Variants in AKNA observed in about 807,000 individuals in gnomAD.
The protein encoded by AKNA is AT-hook transcription factor.
A neutral mutation model predicts 138.8 loss-of-function variants in AKNA; 67 were observed. The ratio of observed to expected loss-of-function variants is 0.48; its 90% CI spans 0.40 to 0.59. The LOEUF is 0.59. AKNA is among the 20% of genes least tolerant of loss of function. The pLI is 0.00. For missense variants in AKNA, 1,813 were observed against 1,880.4 expected (o/e 0.96, Z 0.66); for synonymous variants, 737 against 754.4 (o/e 0.98, Z 0.38).
In AKNA at chr9:114,360,068, G is replaced by T; in HGVS notation, c.2125-6C>A. The T allele has an allele frequency of 1.2e-6, 2 of 1,614,114 alleles. No individual in the cohort carries two copies. Among genetic ancestry groups the T allele is most frequent in the East Asian group, 2.2e-5 (1 of 44,890 alleles). ...GCGGCAGTGGTGGTAGCAGGCTGGG[G>T]TCAGAAAGATGGACAGACAGAGATT... On this transcript the variant is annotated splice_polypyrimidine_tract_variant and splice_region_variant and intron_variant, in intron 9 of 21. Coordinates refer to ENST00000374088, the MANE Select transcript of AKNA (RefSeq NM_001317950.2).
intron 7 of AKNA, among the ~76,000 whole-genome samples, chr9:114,364,024 C>T (rs1305191004): frequency 6.6e-6 from 1 of 151,986 alleles, no homozygotes; most frequent in Non-Finnish European, 1.5e-5. Flanking sequence ...CCTCCAGCCC[C>T]CACTTTTTTT....
At chr9:114,333,002 G>T, downstream of AKNA, 1 of 1,601,252 alleles carries the variant, frequency 6.2e-7, no homozygotes, top group Non-Finnish European at 8.5e-7. Flanking sequence ...CCCTCTCCCC[G>T]GAAGACCTCC....
In AKNA at chr9:114,356,028, G is replaced by A; in HGVS notation, c.2955C>T (p.Ser985=). The change falls in exon 14 of 22, where the codon AGC becomes AGT. Residue 985 remains serine (S), a synonymous_variant. Transcript: ENST00000374088. ...SLIPRRATEP[S]TPRSQAQRYL... is the part of the protein sequence containing the mutation. ...ACCTCTGTGCTTGGCTCCGGGGTGT[G>A]CTGGGCTCTGTGGCTCTTCTGGGAA... The A allele has an allele frequency of 6.2e-7, 1 of 1,614,192 alleles. No homozygotes were observed. Among genetic ancestry groups the A allele is most frequent in the East Asian group, 2.2e-5 (1 of 44,880 alleles).
At chr9:114,359,561 CAAA>C (rs1831769574) in intron 11 of AKNA, 30 bp downstream of exon 11, 1 of 1,611,788 alleles carries the variant, frequency 6.2e-7, no homozygotes, top group Non-Finnish European at 8.5e-7. Context: ...AGGGTGGAAA[CAAA>C]CATTCTGCAG....
intron 4 of AKNA, among the ~76,000 whole-genome samples, chr9:114,372,162 G>C (rs1450520290): frequency 6.6e-6 from 1 of 152,174 alleles, no homozygotes; most frequent in Non-Finnish European, 1.5e-5. Flanking sequence ...CACACTTCTT[G>C]AGGCTGAGAG....
At chr9:114,390,811 C>G (rs1018527848), upstream of AKNA, among the ~76,000 whole-genome samples, 1 of 152,230 alleles carries the variant, frequency 6.6e-6, no homozygotes, top group East Asian at 1.9e-4. Flanking sequence ...TCCCCTCACC[C>G]AGTCCCACTT....
At chr9:114,392,950 G>T (rs10982194), upstream of AKNA, among the ~76,000 whole-genome samples, 399 of 152,228 alleles carry the variant, frequency 2.6e-3, 12 homozygotes, top group East Asian at 0.036. Flanking sequence ...GCCATATTGA[G>T]GAAAACACAT....
Position 114,367,656 on chromosome 9 carries a change from T to C in AKNA, c.1615A>G (p.Thr539Ala). Reference sequence around the variant, plus strand: ...AGCCACCCCAGGGTGGGCATGCTGGTAAGCGAGGAGGGGCTCAAGTCTCCT... The same window carrying C: ...AGCCACCCCAGGGTGGGCATGCTGGCAAGCGAGGAGGGGCTCAAGTCTCCT... ...ARGDLSPSSL[T>A]SMPTLGWLPE... Residue 539 changes from threonine (T) to alanine (A), a missense_variant, in exon 6 of 22, where the codon ACC (threonine) becomes GCC (alanine). Physicochemically the swap from Thr to Ala is moderately conservative, Grantham distance 58. Coordinates refer to ENST00000374088, the MANE Select transcript of AKNA (RefSeq NM_001317950.2). The C allele has an allele frequency of 1.3e-6, 2 of 1,598,062 alleles. No individual in the cohort carries two copies. Among genetic ancestry groups the C allele is most frequent in the South Asian group, 2.2e-5 (2 of 90,628 alleles).
rs768195560 is a variant in AKNA at position 114,341,537 on chromosome 9, C to A, written c.4063G>T (p.Ala1355Ser). ...GGTCAGAATGAAGGCTCTTACACAG[C>A]GGCAGGTGGATAAGGCATGATGGGA... is the stretch of plus-strand genomic sequence containing the variant. ...SVPIMPYPPA[A>S]VYYAPAGPTS... The change falls in exon 21 of 22, where the codon GCT (alanine) becomes TCT (serine). Residue 1355 changes from alanine to serine, a missense_variant. Transcript: ENST00000374088. 8 of 1,613,806 alleles carry A rather than the reference C, an allele frequency of 5.0e-6. No individual in the cohort carries two copies. Among genetic ancestry groups the A allele is most frequent in the Non-Finnish European group, 6.8e-6 (8 of 1,179,992 alleles).
chr9:114,341,821 C>G, intron 20 of AKNA, 96 bp from the exon 21 acceptor site: 2 of 1,394,284 alleles, frequency 1.4e-6, no homozygotes, highest in Non-Finnish European at 1.9e-6. Context: ...CCTATGAGAG[C>G]TGGACAGGCC....
rs1829958230 is a variant in AKNA at position 114,335,707 on chromosome 9, G to A, written c.*1347C>T. ...AATCACTTGAACCCGGGAGGCGGAG[G>A]TTGCAGTGAGCCGAGATTCCACCAC... On this transcript the variant is annotated 3_prime_UTR_variant, in exon 22 of 22. Transcript: ENST00000374088. 6.7e-6 allele frequency: 1 copy of A among 149,446 alleles called. No homozygotes were observed. Among genetic ancestry groups the A allele is most frequent in the African/African-American group, 2.5e-5 (1 of 40,100 alleles). The allele number at this position is 149,446 out of a possible 1,614,324, so 9.3% of individuals were successfully genotyped here.
intron 2 of AKNA, among the ~76,000 whole-genome samples, chr9:114,378,682 A>G (rs1001369724): frequency 6.6e-6 from 1 of 152,122 alleles, no homozygotes; most frequent in Non-Finnish European, 1.5e-5. Context: ...ATATTTATCC[A>G]TCTACCCACC....
chr9:114,338,818 C>T (rs1056848744), intron 21 of AKNA, among the ~76,000 whole-genome samples: 4 of 152,180 alleles, frequency 2.6e-5, no homozygotes, highest in African/African-American at 9.7e-5. Flanking sequence ...GGTAAGTGCT[C>T]CATAAACGTG....
At chr9:114,383,092 C>T (rs1456669493) in intron 1 of AKNA, 8 of 455,168 alleles carry the variant, frequency 1.8e-5, no homozygotes, top group East Asian at 7.0e-5. Flanking sequence ...GTGGTTTCGC[C>T]GCCGATGGCT....
intron 9 of AKNA, 114 bp from the exon 10 acceptor site, chr9:114,360,176 A>G: frequency 3.9e-6 from 5 of 1,297,652 alleles, no homozygotes; most frequent in Non-Finnish European, 5.4e-6. Flanking sequence ...AGCACATTAG[A>G]CTCACTAAGC....
intron 7 of AKNA, among the ~76,000 whole-genome samples, chr9:114,364,324 A>T (rs1358342157): frequency 6.6e-6 from 1 of 152,110 alleles, no homozygotes; most frequent in Non-Finnish European, 1.5e-5. Context: ...ATAAAATAAC[A>T]TACTCTAGGG....
intron 14 of AKNA, among the ~76,000 whole-genome samples, chr9:114,354,786 G>T (rs1831372714): frequency 6.7e-6 from 1 of 149,934 alleles, no homozygotes; most frequent in African/African-American, 2.5e-5. Flanking sequence ...ATGATAAAAA[G>T]TATAGTAAAT....
In AKNA at chr9:114,356,146, C is replaced by G; in HGVS notation, c.2847-10G>C. The G allele has an allele frequency of 6.2e-7, 1 of 1,608,494 alleles. No homozygotes were observed. Among genetic ancestry groups the G allele is most frequent in the Non-Finnish European group, 8.5e-7 (1 of 1,176,548 alleles). ...TAATGTTCCTGCTGTGCTGGGGGAC[C>G]GTGGAGGAAGGGACACACAGGGGTC... On this transcript the variant is annotated splice_polypyrimidine_tract_variant and intron_variant, in intron 13 of 21. Transcript: ENST00000374088.
chr9:114,378,935 T>C (rs777083616), intron 2 of AKNA, among the ~76,000 whole-genome samples: 1 of 152,218 alleles, frequency 6.6e-6, no homozygotes, highest in Non-Finnish European at 1.5e-5. Context: ...TTTGTCGCAC[T>C]CTCTGTTCCT....
Sources: gnomAD v4.1 joint callset for allele counts (sites outside exome capture counted in the v4.1 genomes callset) on GRCh38, gnomAD v4.1.1 for gene constraint, MANE v1.5 for transcripts, NCBI Gene and HGNC (gene_info 2026-07-23, HGNC 2026-07-21) for gene names.